The following GLRA2 variants were observed in gnomAD, a reference collection of about 807,000 sequenced individuals.
GLRA2 encodes glycine receptor alpha 2, also known as glycine receptor subunit alpha-2.
A neutral mutation model predicts 31.6 loss-of-function variants in GLRA2; 11 were observed. The observed-to-expected ratio is 0.35, with a 90% confidence interval of 0.22 to 0.58. GLRA2 has a LOEUF of 0.58. GLRA2 is among the 20% of genes least tolerant of loss of function. GLRA2 has a pLI of 0.84. For synonymous variants in GLRA2, 132 were observed against 134.0 expected, an observed-to-expected ratio of 0.99 and a Z score of 0.10; for missense variants, 212 against 351.8, an observed-to-expected ratio of 0.60 and a Z score of 3.18.
At chrX:14,685,923 C>T (rs2091271927) in intron 7 of GLRA2, among the ~76,000 whole-genome samples, 1 of 112,048 alleles carries the variant, frequency 8.9e-6, no homozygotes, top group Admixed American at 9.5e-5. Flanking sequence ...AATTTTAGAT[C>T]TTTCCTGCTT....
chrX:14,681,908 A>ATATATAC (rs1225909977), intron 7 of GLRA2, among the ~76,000 whole-genome samples: 3 of 38,904 alleles, frequency 7.7e-5, no homozygotes, highest in South Asian at 9.0e-4. Flanking sequence ...AAAAAAAAAA[A>ATATATAC]AAATATATAT....
At chrX:14,725,816 C>A (rs1261046899) in intron 8 of GLRA2, among the ~76,000 whole-genome samples, 2 of 112,005 alleles carry the variant, frequency 1.8e-5, no homozygotes, top group Non-Finnish European at 3.8e-5. Context: ...AAATTTCAAG[C>A]AAATTGCACA....
intron 2 of GLRA2, among the ~76,000 whole-genome samples, chrX:14,557,189 C>T (rs757553458): frequency 3.4e-5 from 3 of 89,399 alleles, no homozygotes; most frequent in Non-Finnish European, 6.4e-5. Flanking sequence ...GATCTCGGCT[C>T]ACTGTAAGCT....
intron 2 of GLRA2, among the ~76,000 whole-genome samples, chrX:14,572,878 T>A (rs2089901885): frequency 8.9e-6 from 1 of 112,351 alleles, no homozygotes; most frequent in Admixed American, 9.4e-5. Flanking sequence ...TTTGCATCTA[T>A]CAAAATTCAT....
intron 2 of GLRA2, among the ~76,000 whole-genome samples, chrX:14,558,047 G>A (rs1427523420): frequency 9.0e-6 from 1 of 111,683 alleles, no homozygotes; most frequent in East Asian, 2.8e-4. Context: ...AGTTTACAGA[G>A]AAAAGAGAAT....
At chrX:14,646,475 T>A (rs2090833829) in intron 7 of GLRA2, among the ~76,000 whole-genome samples, 1 of 112,426 alleles carries the variant, frequency 8.9e-6, no homozygotes, top group African/African-American at 3.2e-5. Flanking sequence ...GGTAAGAGAA[T>A]CTCAGTAACT....
chrX:14,687,423 C>T (rs949930954), intron 7 of GLRA2, among the ~76,000 whole-genome samples: 8 of 112,074 alleles, frequency 7.1e-5, no homozygotes, highest in Non-Finnish European at 9.4e-5. Context: ...CCATTATCCT[C>T]GTCACTTTCA....
intron 7 of GLRA2, among the ~76,000 whole-genome samples, chrX:14,639,734 G>A (rs1206363938): frequency 9.0e-6 from 1 of 111,426 alleles, no homozygotes; most frequent in Non-Finnish European, 1.9e-5. Flanking sequence ...ACTGAAACTG[G>A]TGTAAACTTG....
At chrX:14,465,015 T>C in the GLRA2 span, among the ~76,000 whole-genome samples, 1 of 112,047 alleles carries the variant, frequency 8.9e-6, no homozygotes, top group South Asian at 3.7e-4. Context: ...TTTTAGGATG[T>C]TTTTCTATTT....
At chrX:14,449,706 C>T in the GLRA2 span, among the ~76,000 whole-genome samples, 2,312 of 112,190 alleles carry the variant, frequency 0.021, 76 homozygotes, top group African/African-American at 0.071. Flanking sequence ...GGGAGCAGTT[C>T]AGCACCCCAG....
chrX:14,550,495 A>C (rs1305684516), intron 2 of GLRA2, among the ~76,000 whole-genome samples: 2 of 110,361 alleles, frequency 1.8e-5, no homozygotes, highest in African/African-American at 6.6e-5. Context: ...AGATAAGTTC[A>C]CATCCAATGA....
At chrX:14,679,484 A>G (rs1343915415) in intron 7 of GLRA2, among the ~76,000 whole-genome samples, 1 of 110,834 alleles carries the variant, frequency 9.0e-6, no homozygotes, top group Non-Finnish European at 1.9e-5. Context: ...CCTCAAAACC[A>G]TCATTAGCTT....
At chrX:14,452,697 T>C in the GLRA2 span, among the ~76,000 whole-genome samples, 7 of 111,168 alleles carry the variant, frequency 6.3e-5, no homozygotes, top group Admixed American at 6.7e-4. Flanking sequence ...GACTGAGAAG[T>C]GGGGGGATTA....
At chrX:14,564,279 A>T (rs112272488) in intron 2 of GLRA2, among the ~76,000 whole-genome samples, 49 of 110,788 alleles carry the variant, frequency 4.4e-4, no homozygotes, top group African/African-American at 1.2e-3. Flanking sequence ...AGTGGAAACC[A>T]TAAGGGCCAG....
At chrX:14,474,154 C>T in the GLRA2 span, among the ~76,000 whole-genome samples, 2,247 of 111,568 alleles carry the variant, frequency 0.02, 70 homozygotes, top group African/African-American at 0.069. Context: ...ATGTACAATC[C>T]GTTATATATT....
intron 7 of GLRA2, among the ~76,000 whole-genome samples, chrX:14,684,758 C>T (rs960779350): frequency 1.2e-4 from 13 of 111,645 alleles, no homozygotes; most frequent in Non-Finnish European, 1.9e-4. Flanking sequence ...ATCTCATCTA[C>T]AAACAGGGAC....
chrX:14,510,723 A>G, the GLRA2 span, among the ~76,000 whole-genome samples: 1 of 111,457 alleles, frequency 9.0e-6, no homozygotes, highest in Non-Finnish European at 1.9e-5. Flanking sequence ...ATTGTTTTTG[A>G]TATCCTCATG....
At chrX:14,544,360 C>T (rs1470132165) in intron 2 of GLRA2, among the ~76,000 whole-genome samples, 1 of 111,672 alleles carries the variant, frequency 9.0e-6, no homozygotes, top group Non-Finnish European at 1.9e-5. Context: ...GATATTTCTT[C>T]AGCAGTATAT....
chrX:14,539,629 A>G (rs1360972270), intron 2 of GLRA2, among the ~76,000 whole-genome samples: 6 of 111,583 alleles, frequency 5.4e-5, no homozygotes, highest in Non-Finnish European at 9.4e-5. Flanking sequence ...GACTCATGCT[A>G]TGGTTTGTGT....
Sources: allele counts gnomAD v4.1 joint callset (sites outside exome capture counted in the v4.1 genomes callset), GRCh38; gene constraint gnomAD v4.1.1; transcripts MANE v1.5; gene names NCBI Gene and HGNC (gene_info 2026-07-23, HGNC 2026-07-21).